The following APCDD1L variants were observed in gnomAD, a reference collection of about 807,000 sequenced individuals.
The protein encoded by APCDD1L is APC down-regulated 1 like.
Under a neutral mutation model 24.2 loss-of-function variants are expected in APCDD1L, and 21 were observed. That is an observed-to-expected ratio of 0.87 (90% CI 0.61 to 1.25). The LOEUF (loss-of-function observed/expected upper bound fraction) is 1.25. Ranked by LOEUF, APCDD1L falls within the 50% of genes most tolerant of loss-of-function variation. APCDD1L has a pLI of 0.00. For synonymous variants in APCDD1L, 321 were observed against 323.6 expected, an observed-to-expected ratio of 0.99 and a Z score of 0.09; for missense variants, 704 against 711.7, an observed-to-expected ratio of 0.99 and a Z score of 0.12.
In APCDD1L at chr20:58,461,247, TCGGTGCCGCCG is replaced by T. The variant is rs1284003711; in HGVS notation, c.1038_1048del (p.Gly347AlafsTer4). On this transcript the variant is annotated frameshift_variant, in exon 4 of 4. Transcript: ENST00000371149. LOFTEE classifies it low-confidence loss of function (END_TRUNC). The surrounding 1 kb of genome is among the most constrained non-coding windows in gnomAD (Gnocchi z 6.0). ...GGCCCGTGTGACCTCAAACACCAGC[TCGGTGCCGCCG>T]CGGACCCTGGTGGATGGCGTGCCCC... is the stretch of plus-strand genomic sequence containing the variant. 1 of 1,613,322 alleles carries T rather than the reference TCGGTGCCGCCG, an allele frequency of 6.2e-7. No individual in the cohort carries two copies. The highest frequency in any genetic ancestry group is 8.5e-7 in the Non-Finnish European group (1 of 1,179,854).
At position 58,467,418 on chromosome 20, in the gene APCDD1L, G is replaced by C. The variant is rs1358394022; in HGVS notation, c.429C>G (p.Val143=). 14 of 1,554,678 alleles carry C rather than the reference G, an allele frequency of 9.0e-6. No individual in the cohort carries two copies. In the Admixed American group the frequency reaches 1.4e-4, roughly 15 times the overall value. The change falls in exon 3 of 4, where the codon GTC becomes GTG. Residue 143 remains valine, a synonymous_variant. Coordinates refer to ENST00000371149, the MANE Select transcript of APCDD1L (RefSeq NM_153360.3). This position sits in a 1 kb window ranked among gnomAD's most constrained non-coding sequence, Gnocchi z 5.9. ...TCTGGTTGAGGCGCCCGGTGACGTC[G>C]ACCAGGGCCCGGCGGCTGTGGAAGA... ...GIVFHSRRAL[V]DVTGRLNQTR...
At chr20:58,513,806 G>A (rs1476073820) in intron 1 of APCDD1L, 6 of 1,000,210 alleles carry the variant, frequency 6.0e-6, no homozygotes, top group Non-Finnish European at 8.4e-6. Flanking sequence ...AGAGCCGATG[G>A]CCATGCTTAC....
chr20:58,487,769 T>C (rs1234179752), intron 1 of APCDD1L, among the ~76,000 whole-genome samples: 2 of 152,328 alleles, frequency 1.3e-5, no homozygotes, highest in East Asian at 3.9e-4. Context: ...AAGATGGCCA[T>C]ATCAGAACAT....
intron 1 of APCDD1L, among the ~76,000 whole-genome samples, chr20:58,475,251 C>A (rs1264214368): frequency 6.6e-6 from 1 of 152,152 alleles, no homozygotes; most frequent in East Asian, 1.9e-4. Context: ...GTACTTTTTT[C>A]TCCTGTAATC....
chr20:58,505,451 A>G (rs568670511), intron 1 of APCDD1L, among the ~76,000 whole-genome samples: 59 of 152,308 alleles, frequency 3.9e-4, no homozygotes, highest in African/African-American at 1.4e-3. Context: ...TTATGTATGC[A>G]TAATTCCTTC....
intron 1 of APCDD1L, among the ~76,000 whole-genome samples, chr20:58,488,930 C>A (rs1990171988): frequency 6.6e-6 from 1 of 151,732 alleles, no homozygotes; most frequent in Non-Finnish European, 1.5e-5. Flanking sequence ...TCTGTGAAAC[C>A]CCTGAGAGAT....
In APCDD1L at chr20:58,514,644, G is replaced by A. The variant is rs201358124; in HGVS notation, c.49+15C>T. 100 of 1,314,194 alleles carry A rather than the reference G, an allele frequency of 7.6e-5. No homozygotes were observed. The highest frequency in any genetic ancestry group is 8.6e-5 in the Non-Finnish European group (88 of 1,024,586). The allele number at this position is 1,314,194 out of a possible 1,614,324, so 81.4% of individuals were successfully genotyped here. A position where few individuals can be genotyped will look rare whatever the true frequency, so the allele number is the denominator to read the frequency against. On this transcript the variant is annotated intron_variant, in intron 1 of 3. Transcript: ENST00000371149. ...AGCTCAGCCAGTTTGCCGGGTGGGG[G>A]AGGGTGGCACCTACCTCCCAAAAGC...
chr20:58,498,931 G>A (rs932300972), intron 1 of APCDD1L, among the ~76,000 whole-genome samples: 9 of 152,172 alleles, frequency 5.9e-5, no homozygotes, highest in Admixed American at 2.0e-4. Flanking sequence ...TCCATCCCAC[G>A]TCTGTGGGTG....
intron 1 of APCDD1L, among the ~76,000 whole-genome samples, chr20:58,473,323 A>T (rs1989847983): frequency 6.6e-6 from 1 of 151,940 alleles, no homozygotes; most frequent in Admixed American, 6.6e-5. Flanking sequence ...GTTTCTGCCG[A>T]GTGCATTTTA....
At position 58,470,742 on chromosome 20, in the gene APCDD1L, T is replaced by G. The variant is rs773610872; in HGVS notation, c.55A>C (p.Thr19Pro). 2.5e-5 allele frequency: 38 copies of G among 1,536,520 alleles called. No homozygotes were observed. The highest frequency in any genetic ancestry group is 3.1e-5 in the Non-Finnish European group (35 of 1,146,096). The part of the protein sequence containing the change: ...ACVLVLLGAH[T>P]APAAGEAGGS... ...CCGGCCTCCCCAGCCGCCGGTGCAGTGTGGGCTGCAAAGCAGACAGACCTG... is the reference window on the plus strand; with the variant it reads ...CCGGCCTCCCCAGCCGCCGGTGCAGGGTGGGCTGCAAAGCAGACAGACCTG... The change falls in exon 2 of 4, where the codon ACT (threonine) becomes CCT (proline). Residue 19 changes from threonine (T) to proline (P), a missense_variant. Transcript: ENST00000371149.
chr20:58,497,778 G>A lies in APCDD1L; in HGVS notation c.49+16881C>T, dbSNP rs935947034. ...TTTGGGTAGGGGACACAATTCAACC[G>A]GCAGCACTTACTGAAGATCACATGG... On this transcript the variant is annotated intron_variant, in intron 1 of 3. Transcript: ENST00000371149. The surrounding 1 kb of genome is among the most constrained non-coding windows in gnomAD (Gnocchi z 4.3). Among the ~76,000 whole-genome samples the A allele has an allele frequency of 3.3e-5, 5 of 152,120 alleles. No individual in the cohort carries two copies. Among genetic ancestry groups the A allele is most frequent in the Admixed American group, 6.5e-5 (1 of 15,272 alleles).
intron 1 of APCDD1L, among the ~76,000 whole-genome samples, chr20:58,495,529 C>T (rs556995590): frequency 9.9e-5 from 15 of 152,086 alleles, no homozygotes; most frequent in Non-Finnish European, 1.8e-4. Flanking sequence ...CCCTGTGCCC[C>T]GAGGGCAGGG....
At chr20:58,493,957 T>C (rs1185854675) in intron 1 of APCDD1L, among the ~76,000 whole-genome samples, 1 of 152,226 alleles carries the variant, frequency 6.6e-6, no homozygotes, top group Non-Finnish European at 1.5e-5. Flanking sequence ...ACTGATAACA[T>C]AGTCAATTCA....
At chr20:58,501,671 C>T (rs1357187004) in intron 1 of APCDD1L, among the ~76,000 whole-genome samples, 1 of 152,206 alleles carries the variant, frequency 6.6e-6, no homozygotes, top group African/African-American at 2.4e-5. Flanking sequence ...CTGACAGTTC[C>T]ACCTCCACAC....
intron 3 of APCDD1L, among the ~76,000 whole-genome samples, chr20:58,465,196 G>A (rs779817001): frequency 2.0e-5 from 3 of 152,142 alleles, no homozygotes; most frequent in African/African-American, 7.2e-5. Context: ...TAGGATTAAC[G>A]CCAGACCAGC....
At chr20:58,470,463 A>G in intron 2 of APCDD1L, 146 bp downstream of exon 2, 1 of 1,155,178 alleles carries the variant, frequency 8.7e-7, no homozygotes, top group Non-Finnish European at 1.2e-6. Flanking sequence ...CTGGGAGGGG[A>G]GGCAAGCATC....
At position 58,467,515 on chromosome 20, in the gene APCDD1L, C is replaced by A. The variant is rs138109833; in HGVS notation, c.332G>T (p.Arg111Leu). The A allele has an allele frequency of 3.8e-6, 6 of 1,599,006 alleles. No individual in the cohort carries two copies. Among genetic ancestry groups the A allele is most frequent in the South Asian group, 1.1e-5 (1 of 88,806 alleles). The change falls in exon 3 of 4, where the codon CGC becomes CTC. Residue 111 changes from arginine to leucine, a missense_variant. By Grantham distance (102) the Arg-to-Leu change is moderately radical. Coordinates refer to ENST00000371149, the MANE Select transcript of APCDD1L (RefSeq NM_153360.3). This position sits in a 1 kb window ranked among gnomAD's most constrained non-coding sequence, Gnocchi z 5.9. ...GGTGACCCAGGAGGCCCGGCGCAGG[C>A]GGACTTTGCCCTTGACGAGCAGCGA... The part of the protein sequence containing the change: ...AHSLLVKGKV[R>L]LRRASWVTRG...
chr20:58,466,166 C>T (rs1989701682), intron 3 of APCDD1L, among the ~76,000 whole-genome samples: 1 of 149,928 alleles, frequency 6.7e-6, no homozygotes, highest in South Asian at 2.1e-4. Context: ...ACTGCTAGAT[C>T]CTCCCCAAAT....
chr20:58,463,542 CCTT>C (rs1455337294), intron 3 of APCDD1L, among the ~76,000 whole-genome samples: 8 of 152,200 alleles, frequency 5.3e-5, no homozygotes, highest in Non-Finnish European at 1.5e-5. Flanking sequence ...TCCTTCTTCT[CCTT>C]CTCCTATTTT....
Sources: gnomAD v4.1 joint callset for allele counts (sites outside exome capture counted in the v4.1 genomes callset) on GRCh38, gnomAD v4.1.1 for gene constraint, Gnocchi (gnomAD v3.1) non-coding constraint, MANE v1.5 for transcripts, NCBI Gene and HGNC (gene_info 2026-07-23, HGNC 2026-07-21) for gene names.